INPP5A: variants seen among roughly 807,000 people sequenced by gnomAD.
The protein encoded by INPP5A is inositol polyphosphate-5-phosphatase A.
In INPP5A, 14 loss-of-function variants were observed where a neutral mutation model predicts 65.2. The ratio of observed to expected loss-of-function variants is 0.21; its 90% confidence interval spans 0.14 to 0.34. The LOEUF is 0.34. Ranked by LOEUF, INPP5A falls within the 10% of genes least tolerant of loss-of-function variation. The pLI, the probability that INPP5A is intolerant of heterozygous loss-of-function variation, is 1.00. For synonymous variants in INPP5A, 207 were observed against 208.3 expected (o/e 0.99, Z 0.05); for missense variants, 431 against 545.6 (o/e 0.79, Z 2.09).
At chr10:132,602,440 T>C (rs2814457) in intron 1 of INPP5A, among the ~76,000 whole-genome samples, 37,277 of 151,856 alleles carry the variant, frequency 0.25, 5,380 homozygotes, top group East Asian at 0.49. Context: ...ACCACAGGCA[T>C]GCACCACCAT....
chr10:132,710,970 G>C (rs1002312191), intron 8 of INPP5A, among the ~76,000 whole-genome samples: 2 of 152,186 alleles, frequency 1.3e-5, no homozygotes, highest in Non-Finnish European at 2.9e-5. Flanking sequence ...CTGATTTGCC[G>C]ATGGGCCTTA....
intron 8 of INPP5A, among the ~76,000 whole-genome samples, chr10:132,712,451 G>A (rs1475119827): frequency 5.9e-5 from 9 of 151,588 alleles, no homozygotes; most frequent in Admixed American, 5.9e-4. Flanking sequence ...GGGTGTGTGT[G>A]GGTGCATGTG....
intron 4 of INPP5A, among the ~76,000 whole-genome samples, chr10:132,689,122 CGTTGCCCTTGT>C (rs1386712972): frequency 2.6e-5 from 4 of 152,226 alleles, no homozygotes; most frequent in Admixed American, 2.6e-4. Context: ...GATACTCAGG[CGTTGCCCTTGT>C]GTTGCCCACA....
chr10:132,700,593 G>A (rs1367742524), intron 6 of INPP5A, among the ~76,000 whole-genome samples: 4 of 152,156 alleles, frequency 2.6e-5, no homozygotes, highest in African/African-American at 7.2e-5. Flanking sequence ...GGAGGAAGGA[G>A]GAGGGAGGGG....
chr10:132,571,832 C>T (rs539149676), intron 1 of INPP5A, among the ~76,000 whole-genome samples: 7 of 152,264 alleles, frequency 4.6e-5, no homozygotes, highest in African/African-American at 1.7e-4. Context: ...AGTGTGAGGC[C>T]CTGCGGTAGC....
chr10:132,743,108 T>A (rs893453756), intron 9 of INPP5A, among the ~76,000 whole-genome samples: 4 of 152,100 alleles, frequency 2.6e-5, no homozygotes, highest in African/African-American at 9.7e-5. Context: ...CATGAAAAAT[T>A]GGTAAAATGT....
intron 1 of INPP5A, among the ~76,000 whole-genome samples, chr10:132,583,812 TGG>T: frequency 6.6e-6 from 1 of 152,120 alleles, no homozygotes; most frequent in Admixed American, 6.5e-5. Flanking sequence ...CCAGGCACAG[TGG>T]TTTATTGCTG....
chr10:132,655,283 G>A (rs1395235012), intron 4 of INPP5A, among the ~76,000 whole-genome samples: 1 of 152,200 alleles, frequency 6.6e-6, no homozygotes, highest in Admixed American at 6.5e-5. Flanking sequence ...TCCACCCACA[G>A]CACTGGAGAC....
chr10:132,653,166 A>T (rs1038506058), intron 4 of INPP5A, among the ~76,000 whole-genome samples: 1 of 152,126 alleles, frequency 6.6e-6, no homozygotes, highest in African/African-American at 2.4e-5. Context: ...CGAGGCACAC[A>T]TGGGCTGGCG....
intron 3 of INPP5A, among the ~76,000 whole-genome samples, chr10:132,646,716 C>T (rs1211855761): frequency 1.3e-5 from 2 of 152,234 alleles, no homozygotes; most frequent in African/African-American, 4.8e-5. Flanking sequence ...ATGAGGGCTT[C>T]TGGGACCAGC....
At chr10:132,656,084 G>A (rs2133408005) in intron 4 of INPP5A, among the ~76,000 whole-genome samples, 1 of 152,398 alleles carries the variant, frequency 6.6e-6, no homozygotes, top group East Asian at 1.9e-4. Context: ...TTCCTGCTGG[G>A]AGCTGTGAGC....
chr10:132,544,151 T>C (rs910824039), intron 1 of INPP5A, among the ~76,000 whole-genome samples: 1 of 152,204 alleles, frequency 6.6e-6, no homozygotes, highest in African/African-American at 2.4e-5. Context: ...CCTTCTCCCT[T>C]CCTGGGACCT....
At position 132,555,440 on chromosome 10, in the gene INPP5A, G is replaced by A. The variant is rs533510552; in HGVS notation, c.75+17269G>A. Reference sequence around the variant, plus strand: ...CCTGGCCGGAAGGGGAAGAAGGGGGGCTTGGGCTGGGGCGTGGCCACGCTG... The same window carrying A: ...CCTGGCCGGAAGGGGAAGAAGGGGGACTTGGGCTGGGGCGTGGCCACGCTG... On this transcript the variant is annotated intron_variant, in intron 1 of 15. Transcript: ENST00000368594. This position sits in a 1 kb window ranked among gnomAD's most constrained non-coding sequence, Gnocchi z 4.4. 5.3e-4 allele frequency among the ~76,000 whole-genome samples: 80 copies of A among 152,180 alleles called. No homozygotes were observed. The highest frequency in any genetic ancestry group is 1.9e-3 in the African/African-American group (78 of 41,496).
chr10:132,748,964 C>T (rs550381394), intron 9 of INPP5A, among the ~76,000 whole-genome samples: 55 of 152,366 alleles, frequency 3.6e-4, no homozygotes, highest in Admixed American at 7.8e-4. Context: ...CCCCAGCCTG[C>T]GCCCCAGGGA....
intron 2 of INPP5A, among the ~76,000 whole-genome samples, chr10:132,643,522 A>G (rs565112092): frequency 3.1e-4 from 47 of 152,338 alleles, no homozygotes; most frequent in African/African-American, 1.1e-3. Context: ...ATGAAATAAA[A>G]TTAAATTAAA....
intron 1 of INPP5A, among the ~76,000 whole-genome samples, chr10:132,548,326 A>G (rs1209221247): frequency 6.6e-6 from 1 of 152,070 alleles, no homozygotes; most frequent in Non-Finnish European, 1.5e-5. Flanking sequence ...TCAGGAGGTC[A>G]GTGGGGCCAG....
chr10:132,720,816 G>A (rs1184756761), intron 8 of INPP5A, among the ~76,000 whole-genome samples: 1 of 150,770 alleles, frequency 6.6e-6, no homozygotes, highest in African/African-American at 2.4e-5. Flanking sequence ...GCTGTCTTGC[G>A]GGTTCTGTGG....
In INPP5A at chr10:132,704,674, G is replaced by A. The variant is rs938810478; in HGVS notation, c.475-3639G>A. 3.3e-5 allele frequency among the ~76,000 whole-genome samples: 5 copies of A among 152,086 alleles called. No homozygotes were observed. Among genetic ancestry groups the A allele is most frequent in the South Asian group, 2.1e-4 (1 of 4,824 alleles). ...CTGTGCGTGGCTGGGCCGTGGGGGG[G>A]CAGTGGCTGTTCCAGGTGGGCCGTC... On this transcript the variant is annotated intron_variant, in intron 6 of 15. Transcript: ENST00000368594. The surrounding 1 kb of genome is among the most constrained non-coding windows in gnomAD (Gnocchi z 4.5).
chr10:132,567,031 T>C (rs745398894), intron 1 of INPP5A, among the ~76,000 whole-genome samples: 20 of 152,216 alleles, frequency 1.3e-4, no homozygotes, highest in Admixed American at 3.9e-4. Flanking sequence ...GTCCGGCTCC[T>C]GTAGGCTGCA....
Sources: gnomAD v4.1 joint callset for allele counts (sites outside exome capture counted in the v4.1 genomes callset) on GRCh38, gnomAD v4.1.1 for gene constraint, Gnocchi (gnomAD v3.1) non-coding constraint, MANE v1.5 for transcripts, NCBI Gene and HGNC (gene_info 2026-07-23, HGNC 2026-07-21) for gene names.